Variants in CAMTA1 observed in about 807,000 individuals in gnomAD.
The protein encoded by CAMTA1 is calmodulin binding transcription activator 1.
A neutral mutation model predicts 170.9 loss-of-function variants in CAMTA1; 27 were observed. The ratio of observed to expected loss-of-function variants is 0.16; its 90% CI spans 0.12 to 0.22. The LOEUF (loss-of-function observed/expected upper bound fraction) is 0.22, where lower values mean the gene tolerates loss of function less well. Ranked by LOEUF, CAMTA1 falls within the 10% of genes least tolerant of loss-of-function variation. CAMTA1 has a pLI of 1.00. For missense variants in CAMTA1, 1,619 were observed against 2,217.2 expected, an observed-to-expected ratio of 0.73 and a Z score of 5.42; for synonymous variants, 833 against 891.5, an observed-to-expected ratio of 0.93 and a Z score of 1.17.
chr1:7,703,210 G>C (rs547376738), intron 11 of CAMTA1, among the ~76,000 whole-genome samples: 1 of 152,270 alleles, frequency 6.6e-6, no homozygotes, highest in African/African-American at 2.4e-5. Context: ...GCTGGACCTT[G>C]ATGAATGCAT....
chr1:6,871,156 C>T (rs1668299110), intron 3 of CAMTA1, among the ~76,000 whole-genome samples: 2 of 152,034 alleles, frequency 1.3e-5, no homozygotes, highest in African/African-American at 4.8e-5. Flanking sequence ...GTGTCAAGCC[C>T]CTATTAATTC....
At chr1:7,187,198 A>G (rs1375340498) in intron 4 of CAMTA1, among the ~76,000 whole-genome samples, 1 of 152,092 alleles carries the variant, frequency 6.6e-6, no homozygotes, top group Non-Finnish European at 1.5e-5. Context: ...AGAGAGGAAT[A>G]TGGGCTCAGG....
At chr1:7,081,052 A>G (rs1394973875) in intron 3 of CAMTA1, among the ~76,000 whole-genome samples, 2 of 152,232 alleles carry the variant, frequency 1.3e-5, no homozygotes, top group African/African-American at 4.8e-5. Flanking sequence ...CTGCCTGCCA[A>G]AGGGCCTGGG....
At chr1:7,147,134 C>T (rs542787504) in intron 4 of CAMTA1, among the ~76,000 whole-genome samples, 8 of 152,038 alleles carry the variant, frequency 5.3e-5, no homozygotes, top group Admixed American at 5.2e-4. Flanking sequence ...AAATATATAC[C>T]ACACAGCCAG....
chr1:7,330,883 T>C (rs988827972), intron 5 of CAMTA1, among the ~76,000 whole-genome samples: 12 of 152,150 alleles, frequency 7.9e-5, no homozygotes, highest in African/African-American at 2.9e-4. Context: ...GGCCTCATAG[T>C]CACACCACCA....
rs35499006 is a variant in CAMTA1, at chr1:7,155,389, G to GTT, written c.302+64018_302+64019insTT. Among the ~76,000 whole-genome samples the GTT allele has an allele frequency of 2.0e-5, 3 of 150,268 alleles. No homozygotes were observed. In the South Asian group the frequency reaches 6.4e-4, roughly 32 times the overall value. ...CCCAGCCTCTGTGAGGGCACCGTTG[G>GTT]GGGGGGGATTGGGCAGGGAAAAGAG... is the stretch of plus-strand genomic sequence containing the variant. On this transcript the variant is annotated intron_variant, in intron 4 of 22. Coordinates refer to ENST00000303635, the MANE Select transcript of CAMTA1 (RefSeq NM_015215.4).
chr1:7,497,260 C>T (rs564298855), intron 6 of CAMTA1, among the ~76,000 whole-genome samples: 14 of 152,258 alleles, frequency 9.2e-5, no homozygotes, highest in South Asian at 8.3e-4. Context: ...ACAGACACTG[C>T]GCTGTCCCTG....
intron 3 of CAMTA1, among the ~76,000 whole-genome samples, chr1:6,944,623 C>T (rs1189231957): frequency 6.6e-6 from 1 of 152,202 alleles, no homozygotes; most frequent in South Asian, 2.1e-4. Flanking sequence ...CCAGTGACTG[C>T]ACCACCTGCC....
Position 7,698,068 on chromosome 1 carries a change from A to C in CAMTA1, c.2914+20335A>C, listed in dbSNP as rs1576974161. Among the ~76,000 whole-genome samples, 9 of 86,096 alleles carry C rather than the reference A, an allele frequency of 1.0e-4. No individual in the cohort carries two copies. The South Asian group carries it at 2.2e-3, about 21-fold the overall frequency. The allele number at this position is 86,096 out of a possible 152,430, so 56.5% of individuals were successfully genotyped here. The stretch of plus-strand genomic sequence containing the variant: ...CTCTGTCAGGTCATGCTGGCCACGC[A>C]CTGTGACCCCCCCCCCCCCCACCAA... On this transcript the variant is annotated intron_variant, in intron 11 of 22. Coordinates refer to ENST00000303635, the MANE Select transcript of CAMTA1 (RefSeq NM_015215.4).
chr1:7,341,587 A>C (rs933260989), intron 5 of CAMTA1, among the ~76,000 whole-genome samples: 2 of 152,224 alleles, frequency 1.3e-5, no homozygotes, highest in African/African-American at 4.8e-5. Flanking sequence ...TGACGACGAA[A>C]GCAGCCCCAG....
At chr1:7,706,552 A>G (rs2096527070) in intron 11 of CAMTA1, among the ~76,000 whole-genome samples, 1 of 152,246 alleles carries the variant, frequency 6.6e-6, no homozygotes. Flanking sequence ...AAAAATAGTT[A>G]TTATTCCAAG....
chr1:7,162,100 C>G (rs1420146703), intron 4 of CAMTA1, among the ~76,000 whole-genome samples: 1 of 152,046 alleles, frequency 6.6e-6, no homozygotes, highest in African/African-American at 2.4e-5. Context: ...AGGGGCGTTT[C>G]TTGATGTGTT....
At chr1:6,996,989 A>T (rs1697361113) in intron 3 of CAMTA1, among the ~76,000 whole-genome samples, 1 of 152,152 alleles carries the variant, frequency 6.6e-6, no homozygotes, top group South Asian at 2.1e-4. Flanking sequence ...AACAAGTATC[A>T]CTGGGATGTC....
intron 6 of CAMTA1, among the ~76,000 whole-genome samples, chr1:7,523,937 T>C (rs2094399217): frequency 6.6e-6 from 1 of 151,764 alleles, no homozygotes; most frequent in South Asian, 2.1e-4. Flanking sequence ...GTGCAGTGGC[T>C]CATGCCTGTA....
intron 6 of CAMTA1, among the ~76,000 whole-genome samples, chr1:7,577,456 C>T (rs1401994011): frequency 6.6e-6 from 1 of 152,310 alleles, no homozygotes; most frequent in East Asian, 1.9e-4. Context: ...TGTGACTGGT[C>T]GGGAATTTCA....
rs2095359514 is a variant in CAMTA1 at position 7,592,089 on chromosome 1, G to A, written c.511-48311G>A. 6.6e-6 allele frequency among the ~76,000 whole-genome samples: 1 copy of A among 151,992 alleles called. No individual in the cohort carries two copies. The highest frequency in any genetic ancestry group is 1.5e-5 in the Non-Finnish European group (1 of 68,008). ...AATTTTTATATTTTTAGTAGAGATGGGGTTTCATCATGTTGGCCAGGCTGG... is the reference window on the plus strand; with the variant it reads ...AATTTTTATATTTTTAGTAGAGATGAGGTTTCATCATGTTGGCCAGGCTGG... On this transcript the variant is annotated intron_variant, in intron 6 of 22. Transcript: ENST00000303635. The surrounding 1 kb of genome is among the most constrained non-coding windows in gnomAD (Gnocchi z 4.6).
At chr1:7,765,904 G>C (rs1278344892) in intron 22 of CAMTA1, among the ~76,000 whole-genome samples, 1 of 151,888 alleles carries the variant, frequency 6.6e-6, no homozygotes, top group Non-Finnish European at 1.5e-5. Context: ...GCGGGCGCCT[G>C]TAGTCCCAGC....
intron 11 of CAMTA1, among the ~76,000 whole-genome samples, chr1:7,707,582 G>C (rs970799758): frequency 6.6e-6 from 1 of 152,106 alleles, no homozygotes; most frequent in Non-Finnish European, 1.5e-5. Flanking sequence ...TCTCCATGTT[G>C]CCCAGGCTGG....
intron 3 of CAMTA1, among the ~76,000 whole-genome samples, chr1:6,894,387 C>T (rs2149160706): frequency 1.3e-5 from 2 of 152,308 alleles, no homozygotes; most frequent in South Asian, 4.1e-4. Flanking sequence ...CAAAAGCTGC[C>T]TTTAAAAAGC....
Sources: allele counts gnomAD v4.1 joint callset (sites outside exome capture counted in the v4.1 genomes callset), GRCh38; gene constraint gnomAD v4.1.1; non-coding constraint Gnocchi (gnomAD v3.1); transcripts MANE v1.5; gene names NCBI Gene and HGNC (gene_info 2026-07-23, HGNC 2026-07-21).